Variants in TNPO3 observed in about 807,000 individuals in gnomAD.
TNPO3 encodes transportin 3, also known as transportin-3.
In TNPO3, 65 loss-of-function variants were observed where a neutral mutation model predicts 122.8. The observed-to-expected ratio is 0.53, with a 90% confidence interval of 0.43 to 0.65. TNPO3 has a LOEUF of 0.65. Among genes scored for constraint, TNPO3 ranks in the 30% least tolerant of loss-of-function variants. The probability of loss-of-function intolerance (pLI) is 0.00; values close to 1 mark genes in which losing one functional copy is unlikely to be tolerated. For synonymous variants in TNPO3, 372 were observed against 411.2 expected (o/e 0.90, Z 1.15); for missense variants, 850 against 1,136.7 (o/e 0.75, Z 3.63).
At chr7:129,018,237 A>C (rs1804063937) in intron 1 of TNPO3, 80 bp from the exon 2 acceptor site, 36 of 1,394,966 alleles carry the variant, frequency 2.6e-5, no homozygotes, top group Non-Finnish European at 3.4e-5. Flanking sequence ...ACTTATATAA[A>C]CATATTTAGC....
rs1809318198 is a variant in TNPO3, at chr7:129,054,982, T to C, written c.-212A>G. 5.3e-6 allele frequency: 3 copies of C among 569,254 alleles called. No individual in the cohort carries two copies. The highest frequency in any genetic ancestry group is 6.3e-5 in the East Asian group (2 of 31,924). The allele number at this position is 569,254 out of a possible 1,614,324, so 35.3% of individuals were successfully genotyped here. A position where few individuals can be genotyped will look rare whatever the true frequency, so the allele number is the denominator to read the frequency against. ...TAGGTCGTATTCAGGTTCCTGGCCT[T>C]TTTTCCGGTTTTTCCACTTGATTCT... On this transcript the variant is annotated 5_prime_UTR_variant, in exon 1 of 23. Coordinates refer to ENST00000265388, the MANE Select transcript of TNPO3 (RefSeq NM_012470.4).
Position 129,018,063 on chromosome 7 carries a change from T to C in TNPO3, c.215A>G (p.Gln72Arg). Reference protein sequence around the residue: ...FAAQTMKMKIQTSFYELPTDS... With the variant: ...FAAQTMKMKIRTSFYELPTDS... ...TGTGGGGAGCTCATAAAATGAGGTCTGAATCTTCATTTTCATGGTCTGTGC... is the reference window on the plus strand; with the variant it reads ...TGTGGGGAGCTCATAAAATGAGGTCCGAATCTTCATTTTCATGGTCTGTGC... The change falls in exon 2 of 23, where the codon CAG (glutamine) becomes CGG (arginine). Residue 72 changes from glutamine to arginine, a missense_variant. Physicochemically the swap from Gln to Arg is conservative, Grantham distance 43. Coordinates refer to ENST00000265388, the MANE Select transcript of TNPO3 (RefSeq NM_012470.4). The C allele has an allele frequency of 6.2e-7, 1 of 1,614,200 alleles. No homozygotes were observed.
At chr7:129,033,019 T>C (rs1489908927) in intron 1 of TNPO3, among the ~76,000 whole-genome samples, 7 of 152,134 alleles carry the variant, frequency 4.6e-5, no homozygotes, top group Non-Finnish European at 1.5e-5. Flanking sequence ...TATAATGGAA[T>C]AGACCCAGAA....
intron 1 of TNPO3, among the ~76,000 whole-genome samples, chr7:129,025,918 G>A (rs958854073): frequency 6.6e-6 from 1 of 152,104 alleles, no homozygotes; most frequent in Non-Finnish European, 1.5e-5. Flanking sequence ...CTGAGGTCAG[G>A]AGTTCTAGAC....
chr7:129,017,243 T>C (rs1243068529), intron 2 of TNPO3, among the ~76,000 whole-genome samples, 187 bp from the exon 3 acceptor site: 1 of 152,054 alleles, frequency 6.6e-6, no homozygotes, highest in Non-Finnish European at 1.5e-5. Context: ...AGCTACAAAT[T>C]GCTGAAATTT....
At chr7:129,011,935 C>T (rs969108889) in intron 4 of TNPO3, among the ~76,000 whole-genome samples, 4 of 151,434 alleles carry the variant, frequency 2.6e-5, no homozygotes, top group Non-Finnish European at 5.9e-5. Context: ...AAATAAATGG[C>T]TAAGTGAAAA....
Position 129,054,252 on chromosome 7 carries a change from T to C in TNPO3, c.120+399A>G, listed in dbSNP as rs1436063183. Among the ~76,000 whole-genome samples the C allele has an allele frequency of 3.3e-5, 5 of 152,220 alleles. No homozygotes were observed. In the East Asian group the frequency reaches 9.6e-4, roughly 29 times the overall value. The stretch of plus-strand genomic sequence containing the variant: ...GGGAGCAAAATGCCAGATGCAAGTC[T>C]TGGACACGGAGGGGAGACGAATAAA... On this transcript the variant is annotated intron_variant, in intron 1 of 22. Coordinates refer to ENST00000265388, the MANE Select transcript of TNPO3 (RefSeq NM_012470.4).
chr7:128,990,237 TG>T (rs777033809), intron 10 of TNPO3, 137 bp from the exon 11 acceptor site: 1 of 954,672 alleles, frequency 1.0e-6, no homozygotes. Flanking sequence ...ACTTGGTATT[TG>T]TTATGAAAGA....
chr7:128,975,930 C>T lies in TNPO3; in HGVS notation c.2067G>A (p.Val689=), dbSNP rs768147640. The T allele has an allele frequency of 1.4e-5, 23 of 1,609,632 alleles. No individual in the cohort carries two copies. Among genetic ancestry groups the T allele is most frequent in the Middle Eastern group, 1.6e-4 (1 of 6,074 alleles). The change falls in exon 17 of 23, where the codon GTG becomes GTA. Residue 689 remains valine (V), a synonymous_variant. Coordinates refer to ENST00000265388, the MANE Select transcript of TNPO3 (RefSeq NM_012470.4). ...AATGCTGATGTACGTGGTACACATTCACCATCTGTTGAGGGAAAAAACAAT... is the reference window on the plus strand; with the variant it reads ...AATGCTGATGTACGTGGTACACATTTACCATCTGTTGAGGGAAAAAACAAT... The part of the protein sequence containing the change: ...ALLQPLVTQM[V]NVYHVHQHSC...
intron 9 of TNPO3, among the ~76,000 whole-genome samples, chr7:128,993,601 G>C (rs140931557): frequency 6.6e-6 from 1 of 152,162 alleles, no homozygotes; most frequent in Non-Finnish European, 1.5e-5. Flanking sequence ...AACCATAACC[G>C]AATCATCCAT....
chr7:128,960,924 T>C (rs1797387354), intron 21 of TNPO3, among the ~76,000 whole-genome samples: 1 of 152,078 alleles, frequency 6.6e-6, no homozygotes, highest in South Asian at 2.1e-4. Flanking sequence ...CACGCCTGGC[T>C]AATTTTTTAA....
intron 1 of TNPO3, among the ~76,000 whole-genome samples, chr7:129,040,915 T>C (rs1287696162): frequency 1.3e-5 from 2 of 152,220 alleles, no homozygotes; most frequent in East Asian, 3.8e-4. Context: ...TAACTAAATA[T>C]GAGAGTGACC....
intron 1 of TNPO3, among the ~76,000 whole-genome samples, chr7:129,033,906 C>CAA (rs776103730): frequency 2.8e-4 from 20 of 72,436 alleles, no homozygotes; most frequent in South Asian, 1.3e-3. Flanking sequence ...GAGCTAAACT[C>CAA]AAAAAAAAAA....
intron 1 of TNPO3, among the ~76,000 whole-genome samples, chr7:129,046,869 C>A (rs1402174117): frequency 2.6e-5 from 4 of 152,086 alleles, no homozygotes; most frequent in Non-Finnish European, 4.4e-5. Context: ...TTATTCACTA[C>A]CACAAGAACA....
intron 21 of TNPO3, among the ~76,000 whole-genome samples, chr7:128,966,925 A>C (rs1275241465): frequency 1.3e-5 from 2 of 152,192 alleles, no homozygotes; most frequent in Non-Finnish European, 2.9e-5. Context: ...GCTTTGCCTT[A>C]CTCAGGTACC....
chr7:129,054,686 G>T lies in TNPO3; in HGVS notation c.85C>A (p.Arg29Ser), dbSNP rs1474936400. 1 of 1,614,092 alleles carries T rather than the reference G, an allele frequency of 6.2e-7. No homozygotes were observed. The change falls in exon 1 of 23, where the codon CGC (arginine) becomes AGC (serine). Residue 29 changes from arginine to serine, a missense_variant. Transcript: ENST00000265388. ...AGCTCCCCAAGCCAAAAAGAGGCGC[G>T]CTCCTTTCCGCTGGGATCTGGGTCG... ...YHDPDPSGKE[R>S]ASFWLGELQR...
At chr7:128,994,104 C>T (rs1000651860) in intron 8 of TNPO3, among the ~76,000 whole-genome samples, 190 bp from the exon 9 acceptor site, 3 of 152,158 alleles carry the variant, frequency 2.0e-5, no homozygotes, top group African/African-American at 4.8e-5. Flanking sequence ...GTCAAGACAA[C>T]CTATTCTCTG....
chr7:129,014,239 G>A (rs527826052), intron 4 of TNPO3, among the ~76,000 whole-genome samples: 6 of 152,192 alleles, frequency 3.9e-5, no homozygotes, highest in Admixed American at 1.3e-4. Flanking sequence ...AATAATACAT[G>A]TCACTGGGCA....
intron 1 of TNPO3, among the ~76,000 whole-genome samples, chr7:129,039,568 T>A (rs1053009107): frequency 1.3e-5 from 2 of 151,562 alleles, no homozygotes; most frequent in African/African-American, 4.9e-5. Flanking sequence ...TAAAAAAAAA[T>A]AAATAAATAA....
Sources: allele counts gnomAD v4.1 joint callset (sites outside exome capture counted in the v4.1 genomes callset), GRCh38; gene constraint gnomAD v4.1.1; transcripts MANE v1.5; gene names NCBI Gene and HGNC (gene_info 2026-07-23, HGNC 2026-07-21).